Variants in CLSTN1 observed in about 807,000 individuals in gnomAD.
The protein encoded by CLSTN1 is calsyntenin-1.
A neutral mutation model predicts 108.3 loss-of-function variants in CLSTN1; 28 were observed. The observed-to-expected ratio is 0.26, with a 90% CI of 0.19 to 0.35. The LOEUF is 0.35. Among genes scored for constraint, CLSTN1 ranks in the 10% least tolerant of loss-of-function variants. The pLI is 1.00. For missense variants in CLSTN1, 1,157 were observed against 1,302.6 expected (o/e 0.89, Z 1.72); for synonymous variants, 524 against 534.9 (o/e 0.98, Z 0.28).
At chr1:9,772,213 C>T (rs1249610545) in intron 2 of CLSTN1, among the ~76,000 whole-genome samples, 1 of 144,098 alleles carries the variant, frequency 6.9e-6, no homozygotes, top group Non-Finnish European at 1.5e-5. Flanking sequence ...TCTCGATCTC[C>T]TGACCTTGTG....
intron 1 of CLSTN1, among the ~76,000 whole-genome samples, chr1:9,805,513 A>G (rs1654466923): frequency 6.6e-6 from 1 of 152,216 alleles, no homozygotes; most frequent in South Asian, 2.1e-4. Context: ...AAAACTTAAA[A>G]TGCCAGTCTT....
At chr1:9,780,924 T>G in intron 1 of CLSTN1, 1 of 402,600 alleles carries the variant, frequency 2.5e-6, no homozygotes, top group East Asian at 4.7e-5. Context: ...AACTGTGTGT[T>G]GTGCACCTGC....
intron 1 of CLSTN1, among the ~76,000 whole-genome samples, chr1:9,822,916 G>A (rs1655243586): frequency 6.6e-6 from 1 of 152,182 alleles, no homozygotes. Flanking sequence ...AAGGCACCAG[G>A]GGTAGCAGAG....
chr1:9,773,903 T>A (rs955185608), intron 1 of CLSTN1, among the ~76,000 whole-genome samples: 6 of 151,684 alleles, frequency 4.0e-5, no homozygotes, highest in East Asian at 1.9e-4. Context: ...TGACTTATTT[T>A]TTTTTTTTTT....
Position 9,823,592 on chromosome 1 carries a change from G to A in CLSTN1, c.91+51C>T, listed in dbSNP as rs1056268221. The A allele has an allele frequency of 1.8e-5, 20 of 1,137,466 alleles. No individual in the cohort carries two copies. Among genetic ancestry groups the A allele is most frequent in the Non-Finnish European group, 2.2e-5 (20 of 915,304 alleles). 70.5% of individuals were successfully genotyped at this position (1,137,466 alleles called of 1,614,324 possible). ...GCACCGGGACCCGAATCCTGCACCCGGACCCGAATCCCGCACCGACCCAGC... is the reference window on the plus strand; with the variant it reads ...GCACCGGGACCCGAATCCTGCACCCAGACCCGAATCCCGCACCGACCCAGC... On this transcript the variant is annotated intron_variant, in intron 1 of 18. Coordinates refer to ENST00000377298, the MANE Select transcript of CLSTN1 (RefSeq NM_001009566.3). The surrounding 1 kb of genome is among the most constrained non-coding windows in gnomAD (Gnocchi z 6.3).
chr1:9,734,206 A>G lies in CLSTN1; in HGVS notation c.2111-64T>C, dbSNP rs1420918654. Reference sequence around the variant, plus strand: ...AGTGGGGCCCAGCGTGGCGGGGCACACTGGATGCCCTGCCGGCTCACCCCA... The same window carrying G: ...AGTGGGGCCCAGCGTGGCGGGGCACGCTGGATGCCCTGCCGGCTCACCCCA... On this transcript the variant is annotated intron_variant, in intron 14 of 18. Transcript: ENST00000377298. This position sits in a 1 kb window ranked among gnomAD's most constrained non-coding sequence, Gnocchi z 4.8. 6.6e-7 allele frequency: 1 copy of G among 1,515,642 alleles called. No individual in the cohort carries two copies. Among genetic ancestry groups the G allele is most frequent in the African/African-American group, 1.4e-5 (1 of 72,882 alleles). The allele number at this position is 1,515,642 out of a possible 1,614,324, so 93.9% of individuals were successfully genotyped here. A position where few individuals can be genotyped will look rare whatever the true frequency, so the allele number is the denominator to read the frequency against.
At chr1:9,757,583 G>A (rs1425245134) in intron 2 of CLSTN1, among the ~76,000 whole-genome samples, 1 of 152,110 alleles carries the variant, frequency 6.6e-6, no homozygotes, top group Non-Finnish European at 1.5e-5. Context: ...TGAAAAAAAT[G>A]ACAATATTTT....
At chr1:9,754,737 C>T (rs1651728316) in intron 4 of CLSTN1, among the ~76,000 whole-genome samples, 2 of 152,148 alleles carry the variant, frequency 1.3e-5, no homozygotes, top group African/African-American at 4.8e-5. Flanking sequence ...TGCCTGTAAT[C>T]CCAGCTATGT....
chr1:9,821,438 CAA>C (rs548795725), intron 1 of CLSTN1, among the ~76,000 whole-genome samples: 549 of 152,276 alleles, frequency 3.6e-3, no homozygotes, highest in Admixed American at 4.8e-3. Flanking sequence ...CAGCTCTACT[CAA>C]TGTTTTTTGA....
At chr1:9,769,163 AGGAAGGAGGGAGGGAG>A (rs1353060887) in intron 2 of CLSTN1, among the ~76,000 whole-genome samples, 7 of 144,980 alleles carry the variant, frequency 4.8e-5, no homozygotes, top group Non-Finnish European at 7.6e-5. Context: ...AAGGGAGGGA[AGGAAGGAGGGAGGGAG>A]GTAAGGAGGG....
chr1:9,803,231 G>C (rs190429205), intron 1 of CLSTN1, among the ~76,000 whole-genome samples: 2 of 152,132 alleles, frequency 1.3e-5, no homozygotes, highest in African/African-American at 4.8e-5. Flanking sequence ...ATCATAAAAG[G>C]GAGGAAAGGA....
At position 9,781,226 on chromosome 1, in the gene CLSTN1, AAT is replaced by A; in HGVS notation, c.92-7834_92-7833del. The A allele has an allele frequency of 7.8e-6, 6 of 767,962 alleles. No individual in the cohort carries two copies. The South Asian group carries it at 9.1e-5, about 12-fold the overall frequency. 47.6% of individuals were successfully genotyped at this position (767,962 alleles called of 1,614,324 possible). A position where few individuals can be genotyped will look rare whatever the true frequency, so the allele number is the denominator to read the frequency against. On this transcript the variant is annotated intron_variant, in intron 1 of 18. Coordinates refer to ENST00000377298, the MANE Select transcript of CLSTN1 (RefSeq NM_001009566.3). ...TACTGAAGCACTAAAGGCTGCTGAAAATATGACAAGCTGATTTTCTGGGGAAA... is the reference window on the plus strand; with the variant it reads ...TACTGAAGCACTAAAGGCTGCTGAAAATGACAAGCTGATTTTCTGGGGAAA...
At chr1:9,753,244 G>A (rs944125907) in intron 4 of CLSTN1, among the ~76,000 whole-genome samples, 3 of 152,190 alleles carry the variant, frequency 2.0e-5, no homozygotes, top group East Asian at 1.9e-4. Flanking sequence ...CGCTGCTGAT[G>A]TGACAGGAGG....
chr1:9,824,511 A>AG (rs1377819403), upstream of CLSTN1: 3 of 152,294 alleles, frequency 2.0e-5, no homozygotes, highest in African/African-American at 7.2e-5. This position sits in a 1 kb window ranked among gnomAD's most constrained non-coding sequence, Gnocchi z 5.0. Flanking sequence ...GGGTCACGAA[A>AG]GGGGGTCCAG....
At chr1:9,774,288 G>C (rs778025835) in intron 1 of CLSTN1, among the ~76,000 whole-genome samples, 3 of 152,054 alleles carry the variant, frequency 2.0e-5, no homozygotes, top group South Asian at 2.1e-4. Context: ...TAATCCATCC[G>C]GGCGTGGTGG....
In CLSTN1 at chr1:9,731,193, C is replaced by T. The variant is rs767234243; in HGVS notation, c.2748+13G>A. 6.2e-6 allele frequency: 10 copies of T among 1,613,946 alleles called. No individual in the cohort carries two copies. The highest frequency in any genetic ancestry group is 5.0e-5 in the Admixed American group (3 of 60,010). The stretch of plus-strand genomic sequence containing the variant: ...CTGCCTCTCAGTCCTGGAGGTCGCC[C>T]GCCCACTCCTACCTCCATGGGGTTG... On this transcript the variant is annotated intron_variant, in intron 18 of 18. Coordinates refer to ENST00000377298, the MANE Select transcript of CLSTN1 (RefSeq NM_001009566.3).
intron 11 of CLSTN1, 82 bp from the exon 12 acceptor site, chr1:9,736,124 C>T (rs996737215): frequency 7.1e-6 from 11 of 1,558,694 alleles, no homozygotes; most frequent in Admixed American, 5.1e-5. Flanking sequence ...ACGGTGTTAC[C>T]GGTGCTGGCA....
At chr1:9,745,765 G>GTTTT (rs778360021) in intron 7 of CLSTN1, among the ~76,000 whole-genome samples, 264 of 100,928 alleles carry the variant, frequency 2.6e-3, no homozygotes, top group Middle Eastern at 6.9e-3. Flanking sequence ...CTGAATAGTT[G>GTTTT]TTTTTTTTTT....
chr1:9,792,480 G>A (rs1570499295), intron 1 of CLSTN1, among the ~76,000 whole-genome samples: 1 of 151,472 alleles, frequency 6.6e-6, no homozygotes. Context: ...TGCGCAGGAA[G>A]GGCCACTCTT....
Sources: allele counts gnomAD v4.1 joint callset (sites outside exome capture counted in the v4.1 genomes callset), GRCh38; gene constraint gnomAD v4.1.1; non-coding constraint Gnocchi (gnomAD v3.1); transcripts MANE v1.5; gene names NCBI Gene and HGNC (gene_info 2026-07-23, HGNC 2026-07-21).